GLIS3: variants seen among roughly 807,000 people sequenced by gnomAD.
The protein encoded by GLIS3 is GLIS family zinc finger 3.
Under a neutral mutation model 78.6 loss-of-function variants are expected in GLIS3, and 53 were observed. The observed-to-expected ratio is 0.67, with a 90% CI of 0.54 to 0.85. The LOEUF (loss-of-function observed/expected upper bound fraction) is 0.85, where lower values mean the gene tolerates loss of function less well. Among genes scored for constraint, GLIS3 ranks in the 40% least tolerant of loss-of-function variants. GLIS3 has a pLI of 0.00. For missense variants in GLIS3, 1,703 were observed against 1,231.1 expected (o/e 1.38, Z -5.74); for synonymous variants, 684 against 509.9 (o/e 1.34, Z -4.60).
chr9:4,380,276 CTGT>C, the GLIS3 span, among the ~76,000 whole-genome samples: 3 of 152,256 alleles, frequency 2.0e-5, no homozygotes, highest in South Asian at 6.2e-4. Flanking sequence ...TAACTCTCTG[CTGT>C]TATTTGAAAT....
At chr9:4,060,296 T>C (rs902771472) in intron 4 of GLIS3, among the ~76,000 whole-genome samples, 2 of 152,164 alleles carry the variant, frequency 1.3e-5, no homozygotes, top group African/African-American at 4.8e-5. Flanking sequence ...TCAACAAACA[T>C]TGTCTTTTGA....
intron 4 of GLIS3, among the ~76,000 whole-genome samples, chr9:3,983,711 G>C (rs1819494644): frequency 6.6e-6 from 1 of 152,144 alleles, no homozygotes; most frequent in African/African-American, 2.4e-5. Flanking sequence ...ATAGAGATGT[G>C]TGGAACTTTG....
chr9:4,034,817 G>A (rs1824170809), intron 4 of GLIS3: 1 of 152,162 alleles, frequency 6.6e-6, no homozygotes. Flanking sequence ...CTTGCCTTCA[G>A]AACCTGAATG....
At chr9:4,468,179 G>A in the GLIS3 span, among the ~76,000 whole-genome samples, 5 of 152,154 alleles carry the variant, frequency 3.3e-5, no homozygotes, top group African/African-American at 4.8e-5. Context: ...TGAAAGTGAC[G>A]GGCAGAGTGG....
intron 7 of GLIS3, among the ~76,000 whole-genome samples, chr9:3,892,954 AT>A (rs1159266197): frequency 6.6e-6 from 1 of 152,106 alleles, no homozygotes; most frequent in Admixed American, 6.6e-5. Context: ...AATTATACAC[AT>A]CTAACTTTTA....
In GLIS3 at chr9:4,189,152, C is replaced by A. The variant is rs7035736; in HGVS notation, c.389-63211G>T. On this transcript the variant is annotated intron_variant, in intron 2 of 10. Coordinates refer to ENST00000381971, the MANE Select transcript of GLIS3 (RefSeq NM_001042413.2). Reference sequence around the variant, plus strand: ...GGCATTTAGTGCTATAAACTTCCCTCTACACACTGCTTTGAATGTGTCCCA... The same window carrying A: ...GGCATTTAGTGCTATAAACTTCCCTATACACACTGCTTTGAATGTGTCCCA... Among the ~76,000 whole-genome samples, 1,440 of 151,364 alleles carry A rather than the reference C, an allele frequency of 9.5e-3. 23 individuals are homozygous for A. The highest frequency in any genetic ancestry group is 0.034 in the African/African-American group (1,387 of 41,326).
the GLIS3 span, among the ~76,000 whole-genome samples, chr9:4,481,822 T>C: frequency 3.5e-3 from 540 of 152,348 alleles, 3 homozygotes; most frequent in African/African-American, 0.012. Flanking sequence ...ATGTTACTAA[T>C]TGCCTAACTG....
At chr9:4,251,744 A>G (rs779740062) in intron 2 of GLIS3, among the ~76,000 whole-genome samples, 8 of 152,240 alleles carry the variant, frequency 5.3e-5, no homozygotes, top group Non-Finnish European at 1.2e-4. Context: ...GGCTGGTACC[A>G]GTTTTTCCTT....
At chr9:4,408,747 A>T in the GLIS3 span, among the ~76,000 whole-genome samples, 1 of 151,326 alleles carries the variant, frequency 6.6e-6, no homozygotes, top group Admixed American at 6.6e-5. Context: ...AAAAAAAAAA[A>T]ATAGAGAGAA....
intron 2 of GLIS3, among the ~76,000 whole-genome samples, chr9:4,194,466 T>A (rs1286468620): frequency 3.3e-5 from 5 of 152,240 alleles, no homozygotes; most frequent in African/African-American, 1.2e-4. Flanking sequence ...TTTAAAAATT[T>A]TTCCAAGATG....
intron 2 of GLIS3, among the ~76,000 whole-genome samples, chr9:4,186,842 G>A (rs1483430302): frequency 2.6e-5 from 4 of 151,974 alleles, no homozygotes; most frequent in Admixed American, 2.0e-4. Context: ...TTTTTGATGG[G>A]GTTGTTTTTT....
intron 4 of GLIS3, chr9:4,054,593 G>C (rs1350140371): frequency 2.1e-6 from 1 of 471,578 alleles, no homozygotes; most frequent in Middle Eastern, 1.1e-3. Context: ...CTGCCTCCTT[G>C]ACATTCAGAG....
chr9:3,858,821 C>T (rs77950664), intron 8 of GLIS3, among the ~76,000 whole-genome samples: 15,823 of 152,038 alleles, frequency 0.1, 1,141 homozygotes, highest in East Asian at 0.28. Context: ...TAGGAAGCCA[C>T]CACTAAAAAG....
chr9:4,131,579 T>TG (rs34191579), intron 2 of GLIS3, among the ~76,000 whole-genome samples: 54,583 of 151,938 alleles, frequency 0.36, 10,104 homozygotes, highest in East Asian at 0.62. Context: ...CCCTTCCTCC[T>TG]GCTCCAGCCA....
intron 2 of GLIS3, among the ~76,000 whole-genome samples, chr9:4,213,941 A>G (rs11999184): frequency 0.15 from 21,379 of 142,570 alleles, 1,779 homozygotes; most frequent in African/African-American, 0.23. Flanking sequence ...AAAAAAAAAA[A>G]ACAACTAAAA....
chr9:3,960,645 A>G (rs1817485589), intron 4 of GLIS3, among the ~76,000 whole-genome samples: 1 of 152,086 alleles, frequency 6.6e-6, no homozygotes, highest in Non-Finnish European at 1.5e-5. Flanking sequence ...GATAATTGGT[A>G]ATTATTTATT....
Position 3,849,417 on chromosome 9 carries a change from G to A in GLIS3, c.2473+6592C>T, listed in dbSNP as rs138663207. Among the ~76,000 whole-genome samples, 359 of 152,264 alleles carry A rather than the reference G, an allele frequency of 2.4e-3. 4 individuals carry two copies. Among genetic ancestry groups the A allele is most frequent in the African/African-American group, 8.4e-3 (349 of 41,548 alleles). Reference sequence around the variant, plus strand: ...CCCTTTGCCTTGTGACTAAGAGTACGCTTGTCCTTTACTCTTCACCCTCGT... The same window carrying A: ...CCCTTTGCCTTGTGACTAAGAGTACACTTGTCCTTTACTCTTCACCCTCGT... On this transcript the variant is annotated intron_variant, in intron 9 of 10. Transcript: ENST00000381971.
intron 4 of GLIS3, among the ~76,000 whole-genome samples, chr9:4,099,378 G>A (rs489444): frequency 0.29 from 43,765 of 151,864 alleles, 7,439 homozygotes; most frequent in African/African-American, 0.48. Context: ...TTGCAGATGC[G>A]TCACTCCAAT....
intron 4 of GLIS3, among the ~76,000 whole-genome samples, chr9:3,946,926 T>C (rs1233050485): frequency 3.3e-5 from 5 of 150,994 alleles, no homozygotes; most frequent in African/African-American, 7.3e-5. Flanking sequence ...TTGCCCTGAG[T>C]TGCCCTGAGT....
Sources: gnomAD v4.1 joint callset for allele counts (sites outside exome capture counted in the v4.1 genomes callset) on GRCh38, gnomAD v4.1.1 for gene constraint, MANE v1.5 for transcripts, NCBI Gene and HGNC (gene_info 2026-07-23, HGNC 2026-07-21) for gene names.